Variants in OR3A2 observed in about 807,000 individuals in gnomAD.
The protein encoded by OR3A2 is olfactory receptor family 3 subfamily A member 2.
For missense variants in OR3A2, 318 were observed against 392.8 expected, an observed-to-expected ratio of 0.81 and a Z score of 1.61; for synonymous variants, 126 against 159.3, an observed-to-expected ratio of 0.79 and a Z score of 1.57.
At chr17:3,352,058 G>A (rs1402105046) in intron 2 of OR3A2, among the ~76,000 whole-genome samples, 2 of 151,982 alleles carry the variant, frequency 1.3e-5, no homozygotes, top group Non-Finnish European at 2.9e-5. Flanking sequence ...GTCTTCTTGT[G>A]AGAAATATCT....
At chr17:3,324,637 T>G (rs560295387) in intron 3 of OR3A2, among the ~76,000 whole-genome samples, 3 of 152,238 alleles carry the variant, frequency 2.0e-5, no homozygotes, top group Admixed American at 2.0e-4. Context: ...CAGACCCTGT[T>G]TGCCTGGGTA....
chr17:3,334,634 T>C (rs1567559032), intron 3 of OR3A2, among the ~76,000 whole-genome samples: 1 of 152,216 alleles, frequency 6.6e-6, no homozygotes, highest in Admixed American at 6.5e-5. Flanking sequence ...GAATTATTTT[T>C]GCTGATTGAG....
At chr17:3,357,836 G>A (rs1292315774) in intron 2 of OR3A2, among the ~76,000 whole-genome samples, 1 of 150,982 alleles carries the variant, frequency 6.6e-6, no homozygotes, top group African/African-American at 2.5e-5. Flanking sequence ...TTAAAGATGT[G>A]AGCTGCCACT....
intron 2 of OR3A2, among the ~76,000 whole-genome samples, chr17:3,359,591 G>A (rs1342218042): frequency 6.6e-6 from 1 of 151,668 alleles, no homozygotes; most frequent in South Asian, 2.1e-4. Context: ...TAAGAATGTT[G>A]ATTATAGGTC....
chr17:3,355,515 T>A (rs180767016), intron 2 of OR3A2, among the ~76,000 whole-genome samples: 2 of 146,978 alleles, frequency 1.4e-5, no homozygotes, highest in East Asian at 3.9e-4. Context: ...GCTGCGTACA[T>A]ATATATTTGC....
intron 2 of OR3A2, among the ~76,000 whole-genome samples, chr17:3,361,544 C>T (rs1341398543): frequency 6.6e-6 from 1 of 151,654 alleles, no homozygotes; most frequent in Non-Finnish European, 1.5e-5. Flanking sequence ...ATGATATTGG[C>T]TGTGGGTTTG....
intron 2 of OR3A2, chr17:3,377,694 A>C (rs1478377833): frequency 1.3e-5 from 2 of 152,334 alleles, no homozygotes; most frequent in African/African-American, 4.8e-5. Flanking sequence ...GGGGAAAAGA[A>C]GACTCTGAGG....
intron 3 of OR3A2, chr17:3,310,111 A>G (rs2049028925): frequency 6.0e-6 from 2 of 333,194 alleles, no homozygotes; most frequent in Non-Finnish European, 1.2e-5. Context: ...ACCCATTAAG[A>G]GTCAGATATC....
chr17:3,283,369 G>T (rs1361017545), intron 1 of OR3A2, among the ~76,000 whole-genome samples: 1 of 152,098 alleles, frequency 6.6e-6, no homozygotes, highest in Non-Finnish European at 1.5e-5. Context: ...GGGATTACAG[G>T]CATGCGCCAC....
At chr17:3,301,218 T>G (rs1009669568) in intron 3 of OR3A2, among the ~76,000 whole-genome samples, 4 of 152,188 alleles carry the variant, frequency 2.6e-5, no homozygotes, top group Non-Finnish European at 4.4e-5. Context: ...GTAATGGGAT[T>G]GCTGGGTCAA....
At chr17:3,286,673 C>A (rs1202404354), upstream of OR3A2, among the ~76,000 whole-genome samples, 1 of 152,052 alleles carries the variant, frequency 6.6e-6, no homozygotes, top group Non-Finnish European at 1.5e-5. Context: ...TCTCTAATGA[C>A]CAGTGATGAC....
chr17:3,377,961 GA>G (rs1448902814), intron 2 of OR3A2, among the ~76,000 whole-genome samples: 1 of 151,862 alleles, frequency 6.6e-6, no homozygotes, highest in Non-Finnish European at 1.5e-5. Flanking sequence ...AAGGAGAAAT[GA>G]AAACATAACA....
At chr17:3,279,264 G>C in intron 1 of OR3A2, 111 bp from the exon 4 acceptor site, 1 of 355,436 alleles carries the variant, frequency 2.8e-6, no homozygotes, top group Non-Finnish European at 5.1e-6. Flanking sequence ...TATGTGAGAT[G>C]ATGAATATGT....
At chr17:3,341,444 TG>T (rs1212450344) in intron 2 of OR3A2, among the ~76,000 whole-genome samples, 122 of 152,328 alleles carry the variant, frequency 8.0e-4, no homozygotes, top group African/African-American at 2.8e-3. Flanking sequence ...CAGGAGCTCT[TG>T]TTAGGCAGGC....
chr17:3,353,830 A>G (rs545511951), intron 2 of OR3A2, among the ~76,000 whole-genome samples: 2 of 151,806 alleles, frequency 1.3e-5, no homozygotes, highest in Admixed American at 6.6e-5. Context: ...ATCCAATTAT[A>G]TTGTTATTTT....
Position 3,371,488 on chromosome 17 carries a change from C to G in OR3A2, c.-179+12316G>C, listed in dbSNP as rs1250309986. Among the ~76,000 whole-genome samples the G allele has an allele frequency of 2.8e-5, 4 of 145,226 alleles. No individual in the cohort carries two copies. In the South Asian group the frequency reaches 8.7e-4, roughly 32 times the overall value. On this transcript the variant is annotated intron_variant, in intron 2 of 4. Transcript: ENST00000573491. ...GCGGGGGGCTGATCCCCCCACCTCC[C>G]TCCCGGATGGGGCGGCTGGCCGGGC...
intron 2 of OR3A2, among the ~76,000 whole-genome samples, chr17:3,376,797 C>A (rs1265088060): frequency 0.014 from 1 of 72 alleles, no homozygotes; most frequent in Admixed American, 0.083. Context: ...CACCCTTTGG[C>A]CCCTCCCCCA....
chr17:3,280,341 G>A (rs545402702), intron 1 of OR3A2, among the ~76,000 whole-genome samples: 2 of 150,842 alleles, frequency 1.3e-5, no homozygotes, highest in East Asian at 1.9e-4. Flanking sequence ...GCGCGATCTC[G>A]GCTCACTGCA....
At chr17:3,330,115 G>C (rs538731469) in intron 3 of OR3A2, among the ~76,000 whole-genome samples, 1 of 147,594 alleles carries the variant, frequency 6.8e-6, no homozygotes, top group Non-Finnish European at 1.5e-5. Flanking sequence ...ATTTGCTGAG[G>C]AGAGCTTTAC....
Sources: allele counts gnomAD v4.1 joint callset (sites outside exome capture counted in the v4.1 genomes callset), GRCh38; gene constraint gnomAD v4.1.1; transcripts MANE v1.5; gene names NCBI Gene and HGNC (gene_info 2026-07-23, HGNC 2026-07-21).